The following PCDHA10 variants were observed in gnomAD, a reference collection of about 807,000 sequenced individuals.
PCDHA10 encodes the protein protocadherin alpha-10.
A neutral mutation model predicts 61.2 loss-of-function variants in PCDHA10; 45 were observed. The ratio of observed to expected loss-of-function variants is 0.74; its 90% CI spans 0.58 to 0.94. The LOEUF is 0.94. Among genes scored for constraint, PCDHA10 ranks in the 40% least tolerant of loss-of-function variants. The pLI, the probability that PCDHA10 is intolerant of heterozygous loss-of-function variation, is 0.00. For missense variants in PCDHA10, 1,278 were observed against 1,236.2 expected, an observed-to-expected ratio of 1.03 and a Z score of -0.51; for synonymous variants, 602 against 548.8, an observed-to-expected ratio of 1.10 and a Z score of -1.35.
chr5:140,914,816 A>T (rs2076855290), intron 1 of PCDHA10, among the ~76,000 whole-genome samples: 1 of 152,208 alleles, frequency 6.6e-6, no homozygotes, highest in African/African-American at 2.4e-5. Context: ...AACTTAACAG[A>T]CTGCATAAAC....
At chr5:140,890,634 T>A (rs986470825) in intron 1 of PCDHA10, among the ~76,000 whole-genome samples, 3 of 152,204 alleles carry the variant, frequency 2.0e-5, no homozygotes, top group African/African-American at 7.2e-5. Context: ...TAAGCATGTA[T>A]CCTTGATATA....
chr5:140,953,809 G>A (rs1244835717), intron 1 of PCDHA10, among the ~76,000 whole-genome samples: 2 of 152,168 alleles, frequency 1.3e-5, no homozygotes, highest in East Asian at 1.9e-4. Context: ...GTTCTGAGGT[G>A]CATGTGCTAG....
intron 1 of PCDHA10, chr5:140,877,451 C>G (rs782361627): frequency 6.2e-7 from 1 of 1,613,790 alleles, no homozygotes; most frequent in East Asian, 2.2e-5. Flanking sequence ...CCCGCGCTGA[C>G]GTCCACGGCC....
At chr5:140,928,344 G>T (rs1554205800) in intron 1 of PCDHA10, 2 of 1,614,168 alleles carry the variant, frequency 1.2e-6, no homozygotes, top group East Asian at 2.2e-5. Flanking sequence ...CTTATGAGCT[G>T]TTGGATGTTA....
chr5:140,895,225 G>A (rs1472993401), intron 1 of PCDHA10, among the ~76,000 whole-genome samples: 1 of 152,050 alleles, frequency 6.6e-6, no homozygotes, highest in African/African-American at 2.4e-5. Flanking sequence ...ATTTTACTGA[G>A]TTTTCTCATC....
At chr5:140,908,234 C>T (rs1262299431) in intron 1 of PCDHA10, among the ~76,000 whole-genome samples, 5 of 152,184 alleles carry the variant, frequency 3.3e-5, no homozygotes, top group Non-Finnish European at 7.3e-5. Context: ...CCTTAGTCTT[C>T]TCTTCCTCAT....
intron 1 of PCDHA10, chr5:140,871,341 C>G (rs2053000377): frequency 6.2e-7 from 1 of 1,614,188 alleles, no homozygotes; most frequent in African/African-American, 1.3e-5. Context: ...CGGTGGGGAG[C>G]TGGTCATACT....
Position 140,862,133 on chromosome 5 carries a change from T to C in PCDHA10, c.2388+3697T>C, listed in dbSNP as rs188346525. ...GTGGATAAATAAATGTAAAGATAGGTTTTGAGGAAACTAAATAATGAAAGA... is the reference window on the plus strand; with the variant it reads ...GTGGATAAATAAATGTAAAGATAGGCTTTGAGGAAACTAAATAATGAAAGA... On this transcript the variant is annotated intron_variant, in intron 1 of 3. Transcript: ENST00000307360. The C allele has an allele frequency of 2.2e-3, 352 of 163,204 alleles. 2 individuals carry two copies. Among genetic ancestry groups the C allele is most frequent in the South Asian group, 2.0e-3 (12 of 5,916 alleles). The allele number at this position is 163,204 out of a possible 1,614,324, so 10.1% of individuals were successfully genotyped here.
intron 1 of PCDHA10, chr5:140,967,329 G>A: frequency 6.2e-7 from 1 of 1,608,212 alleles, no homozygotes; most frequent in Non-Finnish European, 8.5e-7. Flanking sequence ...TACGAGCTCA[G>A]CCCCAGCGAG....
intron 1 of PCDHA10, among the ~76,000 whole-genome samples, chr5:140,922,031 G>T (rs933616833): frequency 6.6e-6 from 1 of 152,010 alleles, no homozygotes; most frequent in African/African-American, 2.4e-5. Context: ...TATAAAAAAT[G>T]TAATTTTCCC....
intron 3 of PCDHA10, among the ~76,000 whole-genome samples, chr5:140,998,767 T>C (rs367972918): frequency 5.3e-5 from 8 of 152,312 alleles, no homozygotes; most frequent in African/African-American, 1.9e-4. Flanking sequence ...TTTCACTATG[T>C]TGGTCAGGCT....
intron 1 of PCDHA10, among the ~76,000 whole-genome samples, chr5:140,971,471 G>A (rs1274091500): frequency 1.3e-5 from 2 of 152,172 alleles, no homozygotes; most frequent in African/African-American, 4.8e-5. Context: ...TATAGGGAGA[G>A]AGTGTCACAT....
At chr5:140,975,765 CAG>C (rs1179625862) in intron 1 of PCDHA10, among the ~76,000 whole-genome samples, 1 of 152,220 alleles carries the variant, frequency 6.6e-6, no homozygotes, top group Non-Finnish European at 1.5e-5. Flanking sequence ...TCATAAATCA[CAG>C]ATAATACCAT....
intron 1 of PCDHA10, among the ~76,000 whole-genome samples, chr5:140,930,626 A>G (rs1554207971): frequency 6.6e-6 from 1 of 152,220 alleles, no homozygotes; most frequent in Non-Finnish European, 1.5e-5. Flanking sequence ...GGAGGTGTGT[A>G]GAAATTAAGG....
At chr5:140,862,318 A>G in intron 1 of PCDHA10, 1 of 317,904 alleles carries the variant, frequency 3.1e-6, no homozygotes, top group South Asian at 2.8e-5. Context: ...TCATAGCCCT[A>G]ATCAGTGTAA....
chr5:140,980,978 C>T (rs1482749121), intron 2 of PCDHA10, among the ~76,000 whole-genome samples: 1 of 152,032 alleles, frequency 6.6e-6, no homozygotes, highest in South Asian at 2.1e-4. Flanking sequence ...TCTGACTGAG[C>T]CCACACAATT....
intron 1 of PCDHA10, chr5:140,864,198 A>G (rs1437307959): frequency 6.6e-6 from 1 of 152,182 alleles, no homozygotes; most frequent in Non-Finnish European, 1.5e-5. Flanking sequence ...TCCTTATGAG[A>G]AGGTCAAATC....
chr5:140,880,449 T>G (rs2058348423), intron 1 of PCDHA10, among the ~76,000 whole-genome samples: 1 of 152,024 alleles, frequency 6.6e-6, no homozygotes. Flanking sequence ...TAGTAGAAAA[T>G]GAAAACAGAT....
At chr5:140,927,378 C>T in intron 1 of PCDHA10, 3 of 1,614,110 alleles carry the variant, frequency 1.9e-6, no homozygotes, top group Non-Finnish European at 2.5e-6. Flanking sequence ...TAAGCTACAG[C>T]CTAAGCCCCA....
Sources: allele counts gnomAD v4.1 joint callset (sites outside exome capture counted in the v4.1 genomes callset), GRCh38; gene constraint gnomAD v4.1.1; transcripts MANE v1.5; gene names NCBI Gene and HGNC (gene_info 2026-07-23, HGNC 2026-07-21).